Variants in FAM110B observed in about 807,000 individuals in gnomAD.
FAM110B encodes protein FAM110B.
FAM110B carries 6 observed loss-of-function variants against 20.4 expected under a neutral mutation model. That is an observed-to-expected ratio of 0.29 (90% CI 0.16 to 0.58). The LOEUF (loss-of-function observed/expected upper bound fraction) is 0.58, where lower values mean the gene tolerates loss of function less well. Among genes scored for constraint, FAM110B ranks in the 20% least tolerant of loss-of-function variants. The pLI, the probability that FAM110B is intolerant of heterozygous loss-of-function variation, is 0.90. For missense variants in FAM110B, 434 were observed against 498.2 expected (o/e 0.87, Z 1.23); for synonymous variants, 226 against 214.1 (o/e 1.06, Z -0.49).
chr8:58,003,402 G>A (rs966414938), intron 1 of FAM110B, among the ~76,000 whole-genome samples: 5 of 152,102 alleles, frequency 3.3e-5, no homozygotes, highest in South Asian at 4.1e-4. Flanking sequence ...AATCATGACC[G>A]TTCTTAATGG....
intron 1 of FAM110B, among the ~76,000 whole-genome samples, chr8:57,998,900 C>A (rs1804237173): frequency 6.6e-6 from 1 of 152,134 alleles, no homozygotes; most frequent in Non-Finnish European, 1.5e-5. Context: ...TTAAATCATG[C>A]CTATGTCATT....
chr8:58,081,309 C>T (rs979672752), intron 3 of FAM110B, among the ~76,000 whole-genome samples: 9 of 152,302 alleles, frequency 5.9e-5, no homozygotes, highest in Admixed American at 2.6e-4. Flanking sequence ...CAGTTTCATG[C>T]GATTCTCCTG....
intron 3 of FAM110B, among the ~76,000 whole-genome samples, chr8:58,116,193 C>A (rs1433505004): frequency 2.6e-5 from 4 of 152,120 alleles, no homozygotes; most frequent in Non-Finnish European, 4.4e-5. Flanking sequence ...TGGTTCAAAC[C>A]CCTCGGATCA....
chr8:58,100,252 G>GAA (rs35082607), intron 3 of FAM110B, among the ~76,000 whole-genome samples: 5 of 139,482 alleles, frequency 3.6e-5, no homozygotes, highest in Non-Finnish European at 6.3e-5. Context: ...TTTAGATTTT[G>GAA]AAAAAAAAAA....
chr8:58,034,691 T>G (rs1029372461), intron 2 of FAM110B, among the ~76,000 whole-genome samples: 2 of 152,220 alleles, frequency 1.3e-5, no homozygotes, highest in African/African-American at 4.8e-5. Context: ...GAGAAGTGTT[T>G]AAGGTATGTT....
At chr8:58,001,097 A>T (rs1804285841) in intron 1 of FAM110B, among the ~76,000 whole-genome samples, 2 of 152,136 alleles carry the variant, frequency 1.3e-5, no homozygotes, top group South Asian at 4.1e-4. Context: ...AAGTGGCCAC[A>T]GTTTTTGCGG....
At chr8:58,074,627 A>G (rs546799698) in intron 2 of FAM110B, among the ~76,000 whole-genome samples, 1 of 152,346 alleles carries the variant, frequency 6.6e-6, no homozygotes, top group South Asian at 2.1e-4. Context: ...AGCCTTGAAT[A>G]GTACTTGGTC....
chr8:58,109,689 A>C (rs895654161), intron 3 of FAM110B, among the ~76,000 whole-genome samples: 1 of 152,176 alleles, frequency 6.6e-6, no homozygotes, highest in South Asian at 2.1e-4. Flanking sequence ...GGACAGGCCA[A>C]AGTGCCTGGG....
intron 3 of FAM110B, among the ~76,000 whole-genome samples, chr8:58,102,216 G>GATGA (rs1806795405): frequency 6.6e-6 from 1 of 152,196 alleles, no homozygotes; most frequent in Non-Finnish European, 1.5e-5. Flanking sequence ...GAGTCATCCT[G>GATGA]CCTCAGTTAC....
intron 1 of FAM110B, among the ~76,000 whole-genome samples, chr8:58,007,587 T>C (rs1199126182): frequency 6.6e-6 from 1 of 152,216 alleles, no homozygotes; most frequent in Non-Finnish European, 1.5e-5. Context: ...GATTAGATGA[T>C]GAGGGTGGAG....
At chr8:58,039,253 CAGGG>C (rs1401625028) in intron 2 of FAM110B, among the ~76,000 whole-genome samples, 2 of 152,156 alleles carry the variant, frequency 1.3e-5, no homozygotes, top group Admixed American at 1.3e-4. Flanking sequence ...GCTGAAAATG[CAGGG>C]AGCTCTCTTA....
chr8:58,117,419 G>A (rs933353171), intron 3 of FAM110B, among the ~76,000 whole-genome samples: 1 of 152,196 alleles, frequency 6.6e-6, no homozygotes, highest in Admixed American at 6.5e-5. Flanking sequence ...ACTGCCAAAA[G>A]TGGGGATGGC....
Position 58,009,154 on chromosome 8 carries a change from G to C in FAM110B, c.-512+14348G>C, listed in dbSNP as rs1804475906. 1.3e-5 allele frequency among the ~76,000 whole-genome samples: 2 copies of C among 152,334 alleles called. 1 individual carries two copies. The highest frequency in any genetic ancestry group is 4.2e-4 in the South Asian group (2 of 4,818). The stretch of plus-strand genomic sequence containing the variant: ...GGACGTAAGTCACATTCCAGCCAGC[G>C]GAGTCTTGTGAATATCTGCTTTGGT... On this transcript the variant is annotated intron_variant, in intron 1 of 3. Coordinates refer to ENST00000519262, the MANE Select transcript of FAM110B (RefSeq NM_001377989.1).
chr8:58,106,203 A>G (rs111729846), intron 3 of FAM110B: 36 of 152,208 alleles, frequency 2.4e-4, no homozygotes, highest in African/African-American at 8.7e-4. Context: ...ATAAAGTGCA[A>G]ACCTCATAGT....
chr8:58,055,461 C>G (rs1317556664), intron 2 of FAM110B, among the ~76,000 whole-genome samples: 1 of 152,170 alleles, frequency 6.6e-6, no homozygotes. Flanking sequence ...CACTCCTGAT[C>G]TACAGATTAT....
intron 2 of FAM110B, among the ~76,000 whole-genome samples, chr8:58,060,095 G>T (rs1465874027): frequency 6.6e-6 from 1 of 151,910 alleles, no homozygotes; most frequent in Non-Finnish European, 1.5e-5. Context: ...TTGATATGTT[G>T]GTTCTTATTA....
chr8:58,068,694 T>C (rs1181728679), intron 2 of FAM110B, among the ~76,000 whole-genome samples: 1 of 151,926 alleles, frequency 6.6e-6, no homozygotes, highest in East Asian at 1.9e-4. Context: ...TTGTAGGAAA[T>C]ATGAAAAAAA....
chr8:58,050,478 G>A (rs11998684), intron 2 of FAM110B, among the ~76,000 whole-genome samples: 29,821 of 152,036 alleles, frequency 0.2, 4,727 homozygotes, highest in African/African-American at 0.44. Flanking sequence ...GCCATGGGGA[G>A]GAATCTGCTC....
At chr8:58,141,044 A>C (rs1279515684) in intron 3 of FAM110B, among the ~76,000 whole-genome samples, 1 of 152,170 alleles carries the variant, frequency 6.6e-6, no homozygotes. Context: ...TCTCTCTTCC[A>C]TTTGTAAAGA....
Sources: gnomAD v4.1 joint callset for allele counts (sites outside exome capture counted in the v4.1 genomes callset) on GRCh38, gnomAD v4.1.1 for gene constraint, MANE v1.5 for transcripts, NCBI Gene and HGNC (gene_info 2026-07-23, HGNC 2026-07-21) for gene names.